Variants in NAALADL2 observed in about 807,000 individuals in gnomAD.
NAALADL2 encodes the protein N-acetylated alpha-linked acidic dipeptidase like 2.
Under a neutral mutation model 87.2 loss-of-function variants are expected in NAALADL2, and 76 were observed. That is an observed-to-expected ratio of 0.87 (90% CI 0.72 to 1.05). NAALADL2 has a LOEUF of 1.05. Among genes scored for constraint, NAALADL2 ranks in the 50% least tolerant of loss-of-function variants. The pLI is 0.00. For missense variants in NAALADL2, 1,089 were observed against 945.8 expected (o/e 1.15, Z -1.99); for synonymous variants, 354 against 331.0 (o/e 1.07, Z -0.75).
At chr3:175,057,078 T>C (rs77138079) in intron 1 of NAALADL2, among the ~76,000 whole-genome samples, 3,765 of 152,258 alleles carry the variant, frequency 0.025, 142 homozygotes, top group African/African-American at 0.086. Flanking sequence ...TACTTTGAAA[T>C]AGGGAGGACA....
chr3:175,012,852 C>G (rs1268064671), intron 1 of NAALADL2, among the ~76,000 whole-genome samples: 1 of 151,104 alleles, frequency 6.6e-6, no homozygotes, highest in Middle Eastern at 3.2e-3. Flanking sequence ...AATCGGTTTT[C>G]ATTTAAACAT....
At chr3:174,771,305 AG>A (rs1370521168) in intron 3 of NAALADL2, among the ~76,000 whole-genome samples, 4 of 152,200 alleles carry the variant, frequency 2.6e-5, no homozygotes, top group Admixed American at 2.6e-4. Flanking sequence ...ACTGTATCTG[AG>A]GAGTTAGGTA....
chr3:174,640,235 A>T (rs182362812), intron 2 of NAALADL2, among the ~76,000 whole-genome samples: 1 of 152,304 alleles, frequency 6.6e-6, no homozygotes, highest in East Asian at 1.9e-4. Flanking sequence ...ACTGCTTCTC[A>T]TGTAGGCAAA....
intron 6 of NAALADL2, among the ~76,000 whole-genome samples, chr3:175,457,685 ATTTTTT>A (rs763515080): frequency 1.5e-5 from 2 of 131,468 alleles, no homozygotes; most frequent in Non-Finnish European, 3.2e-5. Context: ...TGTCTGGCTA[ATTTTTT>A]TTTTTTTTTT....
chr3:175,509,030 C>T (rs1238068203), intron 9 of NAALADL2, among the ~76,000 whole-genome samples: 3 of 151,692 alleles, frequency 2.0e-5, no homozygotes, highest in East Asian at 1.9e-4. Flanking sequence ...GCAGGAGAAT[C>T]GCTTGAACCC....
chr3:175,736,045 G>A (rs1744458182), intron 11 of NAALADL2, among the ~76,000 whole-genome samples: 1 of 152,076 alleles, frequency 6.6e-6, no homozygotes, highest in African/African-American at 2.4e-5. Context: ...AGGGACATTC[G>A]TTAAGCCCAG....
intron 2 of NAALADL2, among the ~76,000 whole-genome samples, chr3:175,199,219 G>C (rs554171286): frequency 1.3e-5 from 2 of 152,228 alleles, no homozygotes; most frequent in African/African-American, 4.8e-5. Context: ...ACTGTTCTCA[G>C]CTCAAGTGTG....
intron 2 of NAALADL2, among the ~76,000 whole-genome samples, chr3:175,204,918 A>T (rs1455188586): frequency 6.6e-6 from 1 of 152,140 alleles, no homozygotes; most frequent in Non-Finnish European, 1.5e-5. Context: ...AGACCTCTAC[A>T]AGGAAAACTA....
Position 175,783,383 on chromosome 3 carries a change from G to C in NAALADL2, c.2190-19622G>C, listed in dbSNP as rs371394347. Among the ~76,000 whole-genome samples the C allele has an allele frequency of 1.0e-3, 158 of 151,108 alleles. 5 individuals are homozygous for C. In the East Asian group the frequency reaches 0.026, roughly 25 times the overall value. The stretch of plus-strand genomic sequence containing the variant: ...TGTTTGTATCCTCTTTTATTTCCTT[G>C]AGCAGTGGTTTGTAGTTCTCCTTGA... On this transcript the variant is annotated intron_variant, in intron 13 of 13. Transcript: ENST00000454872.
chr3:174,593,613 T>G (rs1207168042), intron 2 of NAALADL2, among the ~76,000 whole-genome samples: 2 of 152,140 alleles, frequency 1.3e-5, no homozygotes, highest in Non-Finnish European at 2.9e-5. Flanking sequence ...TATTTAGAGA[T>G]GTAAGTTAAA....
intron 1 of NAALADL2, among the ~76,000 whole-genome samples, chr3:174,956,906 A>G (rs370549567): frequency 7.9e-5 from 12 of 152,070 alleles, no homozygotes; most frequent in African/African-American, 2.9e-4. Context: ...GAAGGAAATG[A>G]TGAAAGAGAA....
Position 175,212,276 on chromosome 3 carries a change from G to A in NAALADL2, c.546-21655G>A, listed in dbSNP as rs562831940. On this transcript the variant is annotated intron_variant, in intron 2 of 13. Coordinates refer to ENST00000454872, the MANE Select transcript of NAALADL2 (RefSeq NM_207015.3). The stretch of plus-strand genomic sequence containing the variant: ...CTTTGTAGAACATCTATACACTAGA[G>A]AACTATCAACTCACAATCACATTAC... Among the ~76,000 whole-genome samples, 51 of 151,530 alleles carry A rather than the reference G, an allele frequency of 3.4e-4. No homozygotes were observed. In the East Asian group the frequency reaches 8.8e-3, roughly 26 times the overall value.
intron 2 of NAALADL2, among the ~76,000 whole-genome samples, chr3:174,698,628 G>T (rs1227871767): frequency 1.0e-5 from 1 of 96,018 alleles, no homozygotes; most frequent in Non-Finnish European, 1.7e-5. Flanking sequence ...ACTTTGGGAG[G>T]CCGAGGCGGG....
Position 175,331,194 on chromosome 3 carries a change from G to T in NAALADL2, c.1090+6869G>T, listed in dbSNP as rs180674955. Among the ~76,000 whole-genome samples, 18 of 152,222 alleles carry T rather than the reference G, an allele frequency of 1.2e-4. No homozygotes were observed. In the East Asian group the frequency reaches 1.5e-3, roughly 13 times the overall value. On this transcript the variant is annotated intron_variant, in intron 5 of 13. Coordinates refer to ENST00000454872, the MANE Select transcript of NAALADL2 (RefSeq NM_207015.3). ...CAACAAAAAAACCTAGGGTGGGATGGCTTCAATGTTGAATTCTACTGACCT... is the reference window on the plus strand; with the variant it reads ...CAACAAAAAAACCTAGGGTGGGATGTCTTCAATGTTGAATTCTACTGACCT...
chr3:175,737,460 C>G, intron 12 of NAALADL2, 61 bp downstream of exon 12: 1 of 996,650 alleles, frequency 1.0e-6, no homozygotes, highest in South Asian at 1.3e-5. Context: ...TAATTTTCAA[C>G]AAGGAATGGA....
intron 3 of NAALADL2, among the ~76,000 whole-genome samples, chr3:174,747,898 C>G (rs1734426496): frequency 6.6e-6 from 1 of 152,126 alleles, no homozygotes; most frequent in Admixed American, 6.5e-5. Context: ...ACAGCAAAGA[C>G]ATAGACTCAA....
intron 2 of NAALADL2, among the ~76,000 whole-genome samples, chr3:174,688,118 AT>A (rs1318804380): frequency 6.6e-6 from 1 of 152,128 alleles, no homozygotes; most frequent in Admixed American, 6.6e-5. Context: ...ATTCCTGAAA[AT>A]TTAGCTGTTG....
At chr3:175,302,461 A>G (rs1475732508) in intron 4 of NAALADL2, among the ~76,000 whole-genome samples, 1 of 152,166 alleles carries the variant, frequency 6.6e-6, no homozygotes, top group East Asian at 1.9e-4. Flanking sequence ...AACTTTTCAT[A>G]CCATTTGAAA....
At chr3:175,082,288 A>G (rs1718018969) in intron 1 of NAALADL2, among the ~76,000 whole-genome samples, 1 of 152,218 alleles carries the variant, frequency 6.6e-6, no homozygotes, top group East Asian at 1.9e-4. Context: ...TGTGGATTCA[A>G]GTGGAATGGA....
Sources: allele counts gnomAD v4.1 joint callset (sites outside exome capture counted in the v4.1 genomes callset), GRCh38; gene constraint gnomAD v4.1.1; transcripts MANE v1.5; gene names NCBI Gene and HGNC (gene_info 2026-07-23, HGNC 2026-07-21).